ANXA13: variants seen among roughly 807,000 people sequenced by gnomAD.
ANXA13 encodes annexin XIII.
Under a neutral mutation model 46.6 loss-of-function variants are expected in ANXA13, and 36 were observed. The observed-to-expected ratio is 0.77, with a 90% confidence interval of 0.59 to 1.02. The LOEUF is 1.02. Among genes scored for constraint, ANXA13 ranks in the 50% least tolerant of loss-of-function variants. ANXA13 has a pLI of 0.00. For missense variants in ANXA13, 417 were observed against 396.5 expected (o/e 1.05, Z -0.44); for synonymous variants, 163 against 152.9 (o/e 1.07, Z -0.49).
chr8:123,732,686 C>CTTT (rs1814145905), intron 1 of ANXA13, among the ~76,000 whole-genome samples: 12 of 150,166 alleles, frequency 8.0e-5, no homozygotes, highest in South Asian at 2.1e-4. Context: ...TTTTTTTTTG[C>CTTT]ATCCACCATA....
intron 4 of ANXA13, among the ~76,000 whole-genome samples, chr8:123,696,704 G>A (rs1417478356): frequency 2.0e-5 from 3 of 152,160 alleles, no homozygotes; most frequent in African/African-American, 7.2e-5. Flanking sequence ...CTGATCACTT[G>A]TGTTTGTGCA....
intron 1 of ANXA13, among the ~76,000 whole-genome samples, chr8:123,716,364 C>T (rs1411417911): frequency 1.3e-5 from 2 of 152,140 alleles, no homozygotes; most frequent in South Asian, 2.1e-4. Context: ...GGATTACAGG[C>T]GTGAGCCACC....
At chr8:123,701,713 G>A (rs982827913) in intron 3 of ANXA13, among the ~76,000 whole-genome samples, 1 of 152,008 alleles carries the variant, frequency 6.6e-6, no homozygotes, top group Non-Finnish European at 1.5e-5. Context: ...CTTGAAGTCA[G>A]GAGACTTGGA....
intron 1 of ANXA13, among the ~76,000 whole-genome samples, chr8:123,726,125 C>T (rs190898627): frequency 2.0e-5 from 3 of 152,328 alleles, no homozygotes; most frequent in Admixed American, 2.0e-4. Flanking sequence ...CATATGTTGA[C>T]TGTATGTTCT....
At chr8:123,698,344 C>T (rs1252627693) in intron 4 of ANXA13, 45 bp downstream of exon 4, 1 of 1,602,562 alleles carries the variant, frequency 6.2e-7, no homozygotes, top group Non-Finnish European at 8.5e-7. Context: ...GCAACCATCT[C>T]TATTGGGTGT....
At chr8:123,705,878 C>T (rs955837910) in intron 2 of ANXA13, among the ~76,000 whole-genome samples, 2 of 152,216 alleles carry the variant, frequency 1.3e-5, no homozygotes, top group African/African-American at 4.8e-5. Flanking sequence ...GTTTAACCCT[C>T]CTTCTGCTCC....
chr8:123,684,587 T>C (rs1813101613), intron 10 of ANXA13, 23 bp downstream of exon 10: 1 of 1,528,978 alleles, frequency 6.5e-7, no homozygotes, highest in Non-Finnish European at 9.1e-7. Flanking sequence ...CAGCCGCCTC[T>C]TTGGAGTCGG....
At chr8:123,703,412 A>C (rs940282417) in intron 2 of ANXA13, among the ~76,000 whole-genome samples, 1 of 152,204 alleles carries the variant, frequency 6.6e-6, no homozygotes, top group East Asian at 1.9e-4. Context: ...AAATGTTCTA[A>C]AATTGACTGT....
At chr8:123,681,588 G>A (rs372393588) in intron 10 of ANXA13, among the ~76,000 whole-genome samples, 114 of 148,390 alleles carry the variant, frequency 7.7e-4, no homozygotes, top group African/African-American at 2.7e-3. Flanking sequence ...GTGTCCACGT[G>A]TGTGTGTGTT....
At chr8:123,736,839 C>G (rs1030092809) in intron 1 of ANXA13, among the ~76,000 whole-genome samples, 6 of 141,076 alleles carry the variant, frequency 4.3e-5, no homozygotes, top group Non-Finnish European at 9.0e-5. Flanking sequence ...AATAATATAT[C>G]CCCAGTGCTT....
At chr8:123,708,761 C>G (rs1360349441) in intron 2 of ANXA13, among the ~76,000 whole-genome samples, 2 of 152,138 alleles carry the variant, frequency 1.3e-5, no homozygotes, top group Non-Finnish European at 2.9e-5. Flanking sequence ...ATCCTGGTGT[C>G]GGCAGGCCCA....
At position 123,681,080 on chromosome 8, in the gene ANXA13, T is replaced by C; in HGVS notation, c.*160A>G. On this transcript the variant is annotated 3_prime_UTR_variant, in exon 11 of 11. Transcript: ENST00000419625. ...CCACGCATCTTAACGTTACTGCCCT[T>C]AACTTACACAGCTTGGCCTGGCTGC... The C allele has an allele frequency of 9.8e-7, 1 of 1,015,670 alleles. No individual in the cohort carries two copies. The highest frequency in any genetic ancestry group is 1.4e-6 in the Non-Finnish European group (1 of 719,764). 62.9% of individuals were successfully genotyped at this position (1,015,670 alleles called of 1,614,324 possible). A position where few individuals can be genotyped will look rare whatever the true frequency, so the allele number is the denominator to read the frequency against.
intron 1 of ANXA13, among the ~76,000 whole-genome samples, chr8:123,727,279 C>G (rs1196462522): frequency 6.6e-6 from 1 of 152,158 alleles, no homozygotes; most frequent in Non-Finnish European, 1.5e-5. Flanking sequence ...CTCTTGGCTG[C>G]TGCTGTCATC....
At chr8:123,709,595 T>G (rs1398498841) in intron 2 of ANXA13, among the ~76,000 whole-genome samples, 2 of 152,174 alleles carry the variant, frequency 1.3e-5, no homozygotes, top group Admixed American at 1.3e-4. Context: ...AACTCCCACA[T>G]GCTTAGTGTC....
At chr8:123,696,558 A>C (rs11324955) in intron 4 of ANXA13, among the ~76,000 whole-genome samples, 42 of 23,990 alleles carry the variant, frequency 1.8e-3, no homozygotes, top group Admixed American at 2.0e-3. Flanking sequence ...CTGCTCCCCC[A>C]CCCCCCCCAC....
intron 1 of ANXA13, among the ~76,000 whole-genome samples, chr8:123,724,227 G>A (rs1045047931): frequency 3.3e-5 from 5 of 152,212 alleles, no homozygotes; most frequent in African/African-American, 1.2e-4. Flanking sequence ...CTTCGGGTGT[G>A]AAACAGTTTG....
chr8:123,715,794 G>A (rs1426318182), intron 1 of ANXA13, among the ~76,000 whole-genome samples: 1 of 152,182 alleles, frequency 6.6e-6, no homozygotes, highest in Non-Finnish European at 1.5e-5. Flanking sequence ...CGGTTGAGTG[G>A]GAGCCAAGGC....
chr8:123,692,871 G>A (rs544429163), intron 8 of ANXA13, among the ~76,000 whole-genome samples: 1 of 151,988 alleles, frequency 6.6e-6, no homozygotes, highest in Non-Finnish European at 1.5e-5. Flanking sequence ...TTGCTTCCCT[G>A]GCGTCTGTTG....
At chr8:123,706,650 T>C (rs911959982) in intron 2 of ANXA13, among the ~76,000 whole-genome samples, 1 of 152,246 alleles carries the variant, frequency 6.6e-6, no homozygotes, top group South Asian at 2.1e-4. Flanking sequence ...CTTTTTCCAA[T>C]TGGCATTCAC....
Sources: gnomAD v4.1 joint callset for allele counts (sites outside exome capture counted in the v4.1 genomes callset) on GRCh38, gnomAD v4.1.1 for gene constraint, MANE v1.5 for transcripts, NCBI Gene and HGNC (gene_info 2026-07-23, HGNC 2026-07-21) for gene names.